The following PPARGC1A variants were observed in gnomAD, a reference collection of about 807,000 sequenced individuals.
The protein encoded by PPARGC1A is PPARG coactivator 1 alpha.
Under a neutral mutation model 88.7 loss-of-function variants are expected in PPARGC1A, and 25 were observed. That is an observed-to-expected ratio of 0.28 (90% confidence interval 0.21 to 0.39). The LOEUF (loss-of-function observed/expected upper bound fraction) is 0.39, where lower values mean the gene tolerates loss of function less well. Among genes scored for constraint, PPARGC1A ranks in the 10% least tolerant of loss-of-function variants. The probability of loss-of-function intolerance (pLI) is 1.00; values close to 1 mark genes in which losing one functional copy is unlikely to be tolerated. For missense variants in PPARGC1A, 880 were observed against 968.7 expected (o/e 0.91, Z 1.22); for synonymous variants, 363 against 355.6 (o/e 1.02, Z -0.24).
the PPARGC1A span, among the ~76,000 whole-genome samples, chr4:24,296,085 T>C: frequency 2.0e-5 from 3 of 151,066 alleles, no homozygotes; most frequent in Non-Finnish European, 1.5e-5. Flanking sequence ...TATGTACATA[T>C]ATACACACAT....
At chr4:24,374,332 G>T in the PPARGC1A span, among the ~76,000 whole-genome samples, 2 of 152,092 alleles carry the variant, frequency 1.3e-5, no homozygotes, top group African/African-American at 2.4e-5. Flanking sequence ...TTTCCATGTG[G>T]CCTGGTTGCC....
At chr4:24,277,823 A>G in the PPARGC1A span, among the ~76,000 whole-genome samples, 1 of 152,166 alleles carries the variant, frequency 6.6e-6, no homozygotes, top group African/African-American at 2.4e-5. Context: ...CTAATGGGCT[A>G]TGTGTCATCA....
intron 2 of PPARGC1A, among the ~76,000 whole-genome samples, chr4:23,873,171 C>T (rs866329963): frequency 2.8e-4 from 37 of 132,264 alleles, no homozygotes; most frequent in Admixed American, 7.0e-4. Context: ...GCACTCCAGC[C>T]GGGGCGACAG....
At chr4:24,244,813 C>A in the PPARGC1A span, among the ~76,000 whole-genome samples, 1 of 152,116 alleles carries the variant, frequency 6.6e-6, no homozygotes, top group East Asian at 1.9e-4. Flanking sequence ...TTAATAGAAC[C>A]GTAGTCAAGA....
At chr4:24,360,759 G>C in the PPARGC1A span, among the ~76,000 whole-genome samples, 1 of 152,298 alleles carries the variant, frequency 6.6e-6, no homozygotes, top group African/African-American at 2.4e-5. Context: ...AGGAAGAATA[G>C]CATCTAACCC....
chr4:24,235,916 G>C, the PPARGC1A span, among the ~76,000 whole-genome samples: 20 of 152,236 alleles, frequency 1.3e-4, no homozygotes, highest in South Asian at 4.1e-4. Context: ...ACCCACAGTG[G>C]AGAAACTGCA....
chr4:23,893,128 G>C (rs1004915385), upstream of PPARGC1A, among the ~76,000 whole-genome samples: 3 of 151,820 alleles, frequency 2.0e-5, no homozygotes, highest in African/African-American at 4.8e-5. Flanking sequence ...ATTTTCCAGG[G>C]TTTCAATATT....
At chr4:24,407,495 G>A in the PPARGC1A span, among the ~76,000 whole-genome samples, 1 of 152,186 alleles carries the variant, frequency 6.6e-6, no homozygotes, top group African/African-American at 2.4e-5. Flanking sequence ...GGCAGAATTT[G>A]CTGCACAAGC....
At chr4:24,021,587 A>G in the PPARGC1A span, among the ~76,000 whole-genome samples, 3 of 152,278 alleles carry the variant, frequency 2.0e-5, no homozygotes, top group East Asian at 5.8e-4. Flanking sequence ...GTTAGGAGTA[A>G]GTATAACATG....
chr4:24,440,433 G>C, the PPARGC1A span, among the ~76,000 whole-genome samples: 1 of 152,208 alleles, frequency 6.6e-6, no homozygotes, highest in African/African-American at 2.4e-5. Context: ...TACAGAACAT[G>C]GCACATGGCA....
At chr4:23,870,991 G>A (rs1713219272) in intron 2 of PPARGC1A, among the ~76,000 whole-genome samples, 1 of 150,008 alleles carries the variant, frequency 6.7e-6, no homozygotes, top group Admixed American at 6.7e-5. Flanking sequence ...AGGTCACACA[G>A]TCCTATTGGA....
chr4:24,075,083 A>C, the PPARGC1A span, among the ~76,000 whole-genome samples: 9,109 of 152,206 alleles, frequency 0.06, 807 homozygotes, highest in African/African-American at 0.19. Flanking sequence ...GGGGAGAAGA[A>C]AAATTCTACA....
the PPARGC1A span, among the ~76,000 whole-genome samples, chr4:24,402,552 C>T: frequency 2.0e-5 from 3 of 152,102 alleles, no homozygotes; most frequent in Admixed American, 6.5e-5. Flanking sequence ...GTACATTGCC[C>T]GAGGACAGAT....
At chr4:23,822,197 T>C (rs1264484225) in intron 7 of PPARGC1A, among the ~76,000 whole-genome samples, 1 of 152,114 alleles carries the variant, frequency 6.6e-6, no homozygotes, top group Non-Finnish European at 1.5e-5. Flanking sequence ...TTGCTCCTTA[T>C]TGATTTCACA....
the PPARGC1A span, among the ~76,000 whole-genome samples, chr4:24,090,355 G>GT: frequency 1.3e-4 from 20 of 152,234 alleles, no homozygotes; most frequent in Non-Finnish European, 2.6e-4. Context: ...GCTAGAGGGT[G>GT]TTTTTTTCTG....
chr4:23,813,927 T>C lies in PPARGC1A; in HGVS notation c.1556A>G (p.Asp519Gly), dbSNP rs765713824. 1 of 1,614,022 alleles carries C rather than the reference T, an allele frequency of 6.2e-7. No individual in the cohort carries two copies. The highest frequency in any genetic ancestry group is 8.5e-7 in the Non-Finnish European group (1 of 1,179,916). The change falls in exon 8 of 13, where the codon GAT becomes GGT. Residue 519 changes from aspartate to glycine, a missense_variant. Transcript: ENST00000264867. ...GLFDDSEDES[D>G]KLSYPWDGTQ... The stretch of plus-strand genomic sequence containing the variant: ...GCCATCCCAAGGGTAGCTCAGTTTA[T>C]CACTTTCATCTTCGCTGTCATCAAA...
At chr4:24,204,901 G>A in the PPARGC1A span, among the ~76,000 whole-genome samples, 4 of 152,166 alleles carry the variant, frequency 2.6e-5, no homozygotes, top group South Asian at 6.2e-4. Flanking sequence ...CCGGCTCACC[G>A]CAACCTCTAC....
intron 10 of PPARGC1A, among the ~76,000 whole-genome samples, chr4:23,812,194 T>C (rs1158542170): frequency 6.6e-6 from 1 of 151,992 alleles, no homozygotes; most frequent in Non-Finnish European, 1.5e-5. Flanking sequence ...CCACATGCCT[T>C]GGCCTCCCAA....
At chr4:23,950,267 T>C in the PPARGC1A span, among the ~76,000 whole-genome samples, 1 of 152,112 alleles carries the variant, frequency 6.6e-6, no homozygotes, top group African/African-American at 2.4e-5. Context: ...TTATATTCAT[T>C]ATCTCATCAA....
Sources: allele counts gnomAD v4.1 joint callset (sites outside exome capture counted in the v4.1 genomes callset), GRCh38; gene constraint gnomAD v4.1.1; transcripts MANE v1.5; gene names NCBI Gene and HGNC (gene_info 2026-07-23, HGNC 2026-07-21).